Variants in SLC4A5 observed in about 807,000 individuals in gnomAD.
The protein encoded by SLC4A5 is solute carrier family 4 member 5.
A neutral mutation model predicts 120.4 loss-of-function variants in SLC4A5; 96 were observed. That is an observed-to-expected ratio of 0.80 (90% CI 0.68 to 0.94). The LOEUF is 0.94. SLC4A5 is among the 40% of genes least tolerant of loss of function. SLC4A5 has a pLI of 0.00. For synonymous variants in SLC4A5, 550 were observed against 571.1 expected, an observed-to-expected ratio of 0.96 and a Z score of 0.53; for missense variants, 1,259 against 1,459.5, an observed-to-expected ratio of 0.86 and a Z score of 2.24.
At chr2:74,289,318 T>G (rs1167699124) in intron 7 of SLC4A5, among the ~76,000 whole-genome samples, 1 of 150,276 alleles carries the variant, frequency 6.7e-6, no homozygotes, top group African/African-American at 2.5e-5. Flanking sequence ...TCAATTTTTC[T>G]ATTACTTTTT....
chr2:74,272,190 G>A (rs1013159814), intron 8 of SLC4A5, among the ~76,000 whole-genome samples: 1 of 152,232 alleles, frequency 6.6e-6, no homozygotes, highest in Non-Finnish European at 1.5e-5. Flanking sequence ...GTGTCTGTGT[G>A]TCTGGGGTAG....
chr2:74,325,877 G>T (rs1005969065), intron 5 of SLC4A5, among the ~76,000 whole-genome samples: 1 of 147,122 alleles, frequency 6.8e-6, no homozygotes, highest in South Asian at 2.2e-4. Context: ...GAGGGGGAAA[G>T]GGGAAGGGGA....
rs1469376942 is a variant in SLC4A5 at position 74,255,346 on chromosome 2, G to A, written c.1025+429C>T. 6.6e-6 allele frequency among the ~76,000 whole-genome samples: 1 copy of A among 152,092 alleles called. No individual in the cohort carries two copies. Among genetic ancestry groups the A allele is most frequent in the Non-Finnish European group, 1.5e-5 (1 of 68,020 alleles). On this transcript the variant is annotated intron_variant, in intron 13 of 30. Coordinates refer to ENST00000394019, the Ensembl canonical transcript of SLC4A5. This position sits in a 1 kb window ranked among gnomAD's most constrained non-coding sequence, Gnocchi z 4.0. ...CTTGCTCTGTTGCCCAGGCTGGGGTGCAATAGCATGATCTCGGCTCACTGC... is the reference window on the plus strand; with the variant it reads ...CTTGCTCTGTTGCCCAGGCTGGGGTACAATAGCATGATCTCGGCTCACTGC...
At position 74,255,385 on chromosome 2, in the gene SLC4A5, C is replaced by T. The variant is rs1391523487; in HGVS notation, c.1025+390G>A. Among the ~76,000 whole-genome samples, 3 of 151,986 alleles carry T rather than the reference C, an allele frequency of 2.0e-5. No individual in the cohort carries two copies. The highest frequency in any genetic ancestry group is 4.8e-5 in the African/African-American group (2 of 41,388). Reference sequence around the variant, plus strand: ...TCGGCTCACTGCAACCTCTGCCTCCCGGGTTCAAGTGATTCTCCTGCCTCA... The same window carrying T: ...TCGGCTCACTGCAACCTCTGCCTCCTGGGTTCAAGTGATTCTCCTGCCTCA... On this transcript the variant is annotated intron_variant, in intron 13 of 30. Transcript: ENST00000394019. The surrounding 1 kb of genome is among the most constrained non-coding windows in gnomAD (Gnocchi z 4.0).
intron 6 of SLC4A5, among the ~76,000 whole-genome samples, chr2:74,310,411 T>G (rs1408214559): frequency 1.3e-5 from 2 of 152,202 alleles, no homozygotes; most frequent in Admixed American, 6.5e-5. Flanking sequence ...TTTCTCATCA[T>G]TAAGTATGAT....
chr2:74,245,864 C>T, intron 19 of SLC4A5, among the ~76,000 whole-genome samples: 1 of 152,188 alleles, frequency 6.6e-6, no homozygotes, highest in Admixed American at 6.5e-5. Context: ...TTTCCTTCAA[C>T]TCAATCGGGG....
chr2:74,311,666 T>C (rs932904321), intron 6 of SLC4A5, among the ~76,000 whole-genome samples: 1 of 152,224 alleles, frequency 6.6e-6, no homozygotes, highest in Non-Finnish European at 1.5e-5. Flanking sequence ...TGTTACAGCA[T>C]ACTCTGCATG....
chr2:74,230,486 C>T (rs1322850354), intron 25 of SLC4A5, among the ~76,000 whole-genome samples: 1 of 152,216 alleles, frequency 6.6e-6, no homozygotes, highest in Non-Finnish European at 1.5e-5. Context: ...AGGTGATCCT[C>T]CCGCCTCAGC....
rs1158535638 is a variant in SLC4A5 at position 74,246,970 on chromosome 2, T to C, written c.2059+66A>G. ...CCCCAGCAGTAGAAGTAGAGAGCTGTGGTGAAGGATCAGGGGGCCGGTGGG... is the reference window on the plus strand; with the variant it reads ...CCCCAGCAGTAGAAGTAGAGAGCTGCGGTGAAGGATCAGGGGGCCGGTGGG... On this transcript the variant is annotated intron_variant, in intron 19 of 30. Coordinates refer to ENST00000394019, the Ensembl canonical transcript of SLC4A5. The C allele has an allele frequency of 1.0e-5, 16 of 1,574,142 alleles. No individual in the cohort carries two copies. In the Admixed American group the frequency reaches 2.7e-4, roughly 27 times the overall value.
At chr2:74,269,971 G>A (rs752104930) in intron 8 of SLC4A5, among the ~76,000 whole-genome samples, 26 of 152,304 alleles carry the variant, frequency 1.7e-4, no homozygotes, top group Non-Finnish European at 3.1e-4. Flanking sequence ...TATTTGTACT[G>A]TGTTAGGCAT....
In SLC4A5 at chr2:74,255,632, C is replaced by G; in HGVS notation, c.1025+143G>C. The G allele has an allele frequency of 3.1e-6, 3 of 960,678 alleles. No individual in the cohort carries two copies. Among genetic ancestry groups the G allele is most frequent in the Non-Finnish European group, 4.6e-6 (3 of 657,608 alleles). The allele number at this position is 960,678 out of a possible 1,614,324, so 59.5% of individuals were successfully genotyped here. ...TTTTAATAAACTCTAAAACTCTTCC[C>G]TAGTCAGAAGATTTCCCTTCCCAGC... On this transcript the variant is annotated intron_variant, in intron 13 of 30. Coordinates refer to ENST00000394019, the Ensembl canonical transcript of SLC4A5. The surrounding 1 kb of genome is among the most constrained non-coding windows in gnomAD (Gnocchi z 4.0).
chr2:74,235,851 A>T (rs1046043385), intron 21 of SLC4A5, among the ~76,000 whole-genome samples: 1 of 152,132 alleles, frequency 6.6e-6, no homozygotes, highest in African/African-American at 2.4e-5. Flanking sequence ...ATTCTGAATC[A>T]ATGTCCTCCG....
intron 12 of SLC4A5, 84 bp from the exon 13 acceptor site, chr2:74,256,016 C>T: frequency 6.8e-7 from 1 of 1,475,462 alleles, no homozygotes; most frequent in South Asian, 1.3e-5. Context: ...GCTTTGAGGC[C>T]TAACTTGAAA....
exon 16 of SLC4A5, chr2:74,252,381 C>T (rs1553453865): frequency 3.7e-6 from 6 of 1,612,546 alleles, no homozygotes; most frequent in South Asian, 1.1e-5. Context: ...AGGGAGAACA[C>T]AGATTTCCTG....
chr2:74,244,578 C>T (rs1279560560), intron 19 of SLC4A5, among the ~76,000 whole-genome samples: 6 of 149,016 alleles, frequency 4.0e-5, no homozygotes, highest in African/African-American at 7.5e-5. Context: ...CTTCTTCTTC[C>T]TCCTCCTCCT....
chr2:74,284,793 G>C (rs766569100), intron 8 of SLC4A5, among the ~76,000 whole-genome samples: 1 of 152,074 alleles, frequency 6.6e-6, no homozygotes, highest in Non-Finnish European at 1.5e-5. Flanking sequence ...CGACTTCTCC[G>C]TGCGGCTCCC....
chr2:74,244,800 A>G (rs1361802176), intron 19 of SLC4A5, among the ~76,000 whole-genome samples: 1 of 152,156 alleles, frequency 6.6e-6, no homozygotes, highest in Non-Finnish European at 1.5e-5. Flanking sequence ...TGTATTTCTA[A>G]CAAGTTCCCT....
At chr2:74,287,901 T>A (rs1672034500) in intron 7 of SLC4A5, among the ~76,000 whole-genome samples, 1 of 152,010 alleles carries the variant, frequency 6.6e-6, no homozygotes, top group Non-Finnish European at 1.5e-5. Flanking sequence ...TCTCCTTAGC[T>A]CTCCTGCTTG....
chr2:74,278,633 T>A (rs148311587), intron 8 of SLC4A5, among the ~76,000 whole-genome samples: 2 of 152,220 alleles, frequency 1.3e-5, no homozygotes, highest in African/African-American at 4.8e-5. Context: ...CTGATTCATA[T>A]AAAAATCCCT....
Sources: allele counts gnomAD v4.1 joint callset (sites outside exome capture counted in the v4.1 genomes callset), GRCh38; gene constraint gnomAD v4.1.1; non-coding constraint Gnocchi (gnomAD v3.1); transcripts MANE v1.5; gene names NCBI Gene and HGNC (gene_info 2026-07-23, HGNC 2026-07-21).